Variants in SLC25A13 observed in about 807,000 individuals in gnomAD.
The protein encoded by SLC25A13 is solute carrier family 25 member 13, also known as electrogenic aspartate/glutamate antiporter SLC25A13, mitochondrial.
Under a neutral mutation model 85.5 loss-of-function variants are expected in SLC25A13, and 70 were observed. The ratio of observed to expected loss-of-function variants is 0.82; its 90% CI spans 0.68 to 1.00. The LOEUF (loss-of-function observed/expected upper bound fraction) is 1.00. Ranked by LOEUF, SLC25A13 falls within the 50% of genes least tolerant of loss-of-function variation. The pLI, the probability that SLC25A13 is intolerant of heterozygous loss-of-function variation, is 0.00. For missense variants in SLC25A13, 765 were observed against 819.8 expected, an observed-to-expected ratio of 0.93 and a Z score of 0.82; for synonymous variants, 259 against 288.7, an observed-to-expected ratio of 0.90 and a Z score of 1.04.
chr7:96,122,134 G>A (rs1584334828), intron 15 of SLC25A13, 137 bp from the exon 16 acceptor site: 10 of 1,124,004 alleles, frequency 8.9e-6, no homozygotes, highest in Non-Finnish European at 1.3e-5. Flanking sequence ...GTCCTCTATG[G>A]GAAATGCAAC....
intron 4 of SLC25A13, among the ~76,000 whole-genome samples, chr7:96,209,570 C>G (rs1274378362): frequency 1.3e-5 from 2 of 152,146 alleles, no homozygotes; most frequent in African/African-American, 4.8e-5. Flanking sequence ...AAGCCAGCAG[C>G]AGCCCAAGTC....
At chr7:96,157,223 CTG>C (rs1432560475) in intron 13 of SLC25A13, among the ~76,000 whole-genome samples, 5 of 152,116 alleles carry the variant, frequency 3.3e-5, no homozygotes, top group African/African-American at 1.2e-4. Context: ...TCCAAATGCT[CTG>C]TTTTTTTTTC....
intron 14 of SLC25A13, among the ~76,000 whole-genome samples, chr7:96,139,741 C>T (rs1792443166): frequency 6.6e-6 from 1 of 152,164 alleles, no homozygotes; most frequent in South Asian, 2.1e-4. Flanking sequence ...CTGTGACTGC[C>T]TTGTTTCACT....
intron 3 of SLC25A13, among the ~76,000 whole-genome samples, chr7:96,247,147 C>G (rs188771101): frequency 8.5e-5 from 13 of 152,322 alleles, no homozygotes; most frequent in Non-Finnish European, 1.8e-4. Context: ...AATCTCTAGT[C>G]TGCCAGAGGC....
At chr7:96,167,632 T>C (rs1793808170) in intron 13 of SLC25A13, among the ~76,000 whole-genome samples, 1 of 152,176 alleles carries the variant, frequency 6.6e-6, no homozygotes, top group Admixed American at 6.5e-5. Flanking sequence ...TAGCAATGCT[T>C]GGATGAACTA....
chr7:96,184,487 AAAG>A (rs775397088), intron 10 of SLC25A13, 52 bp from the exon 11 acceptor site: 1 of 1,559,440 alleles, frequency 6.4e-7, no homozygotes, highest in Non-Finnish European at 8.8e-7. Flanking sequence ...AGGTCAGAAG[AAAG>A]AAGAAGGTAG....
At chr7:96,242,735 C>A (rs1359240358) in intron 3 of SLC25A13, among the ~76,000 whole-genome samples, 1 of 152,190 alleles carries the variant, frequency 6.6e-6, no homozygotes, top group East Asian at 1.9e-4. Flanking sequence ...TTAACTCTAC[C>A]TATAACCTGG....
At chr7:96,302,947 T>C (rs58153428) in intron 1 of SLC25A13, among the ~76,000 whole-genome samples, 84,560 of 152,082 alleles carry the variant, frequency 0.56, 25,399 homozygotes, top group Non-Finnish European at 0.67. Flanking sequence ...CCAATTTTAA[T>C]GTACGGATTA....
intron 3 of SLC25A13, among the ~76,000 whole-genome samples, chr7:96,250,213 A>C (rs1177066476): frequency 2.6e-5 from 4 of 152,194 alleles, no homozygotes; most frequent in Non-Finnish European, 5.9e-5. Context: ...CTCTAGAAGA[A>C]AGTACTGAAT....
chr7:96,190,416 A>G (rs1205287490), intron 7 of SLC25A13, among the ~76,000 whole-genome samples: 1 of 151,638 alleles, frequency 6.6e-6, no homozygotes, highest in Non-Finnish European at 1.5e-5. Context: ...ATCCCATTAC[A>G]ATGCTGATAA....
chr7:96,134,981 G>C (rs571545815), intron 14 of SLC25A13, among the ~76,000 whole-genome samples: 43 of 152,056 alleles, frequency 2.8e-4, no homozygotes, highest in African/African-American at 9.9e-4. Flanking sequence ...GAAAAAGGAA[G>C]AAATGGAAAA....
chr7:96,166,026 C>T (rs1793726907), intron 13 of SLC25A13, among the ~76,000 whole-genome samples: 1 of 152,238 alleles, frequency 6.6e-6, no homozygotes. Context: ...AGGCAGGAAA[C>T]TGCATTAGGG....
chr7:96,254,465 C>T (rs534753586), intron 3 of SLC25A13, among the ~76,000 whole-genome samples: 1 of 152,296 alleles, frequency 6.6e-6, no homozygotes, highest in African/African-American at 2.4e-5. Flanking sequence ...TTCTCAGCCT[C>T]CACAGTCATG....
At chr7:96,151,610 T>C (rs975507380) in intron 13 of SLC25A13, among the ~76,000 whole-genome samples, 1 of 138,264 alleles carries the variant, frequency 7.2e-6, no homozygotes, top group Non-Finnish European at 1.6e-5. Context: ...AAAAAAAAAA[T>C]TGTTTTTTGG....
chr7:96,300,936 C>T (rs1024053931), intron 1 of SLC25A13, among the ~76,000 whole-genome samples: 5 of 152,194 alleles, frequency 3.3e-5, no homozygotes, highest in Non-Finnish European at 7.3e-5. Context: ...CCTCCCATTC[C>T]TATCTTCTTG....
chr7:96,306,750 C>G, intron 1 of SLC25A13: 1 of 1,140,140 alleles, frequency 8.8e-7, no homozygotes, highest in Non-Finnish European at 1.3e-6. Context: ...CTTCATCCCT[C>G]TGCATTTTGT....
intron 5 of SLC25A13, among the ~76,000 whole-genome samples, chr7:96,205,438 T>C (rs1384679669): frequency 6.6e-6 from 1 of 152,144 alleles, no homozygotes; most frequent in Non-Finnish European, 1.5e-5. Flanking sequence ...ACACATACCA[T>C]CATTCATGAA....
chr7:96,296,830 G>C, intron 2 of SLC25A13, 68 bp downstream of exon 2: 1 of 1,454,356 alleles, frequency 6.9e-7, no homozygotes, highest in Non-Finnish European at 9.6e-7. Context: ...AGAGCTGTTT[G>C]AAAATAATAT....
intron 11 of SLC25A13, among the ~76,000 whole-genome samples, chr7:96,183,823 A>G (rs897399260): frequency 6.6e-6 from 1 of 152,178 alleles, no homozygotes; most frequent in South Asian, 2.1e-4. Flanking sequence ...GATGAAGAAA[A>G]GGGGCAACTT....
Sources: gnomAD v4.1 joint callset for allele counts (sites outside exome capture counted in the v4.1 genomes callset) on GRCh38, gnomAD v4.1.1 for gene constraint, MANE v1.5 for transcripts, NCBI Gene and HGNC (gene_info 2026-07-23, HGNC 2026-07-21) for gene names.